Variants in SGCD observed in about 807,000 individuals in gnomAD.
SGCD encodes the protein sarcoglycan delta, also known as delta-sarcoglycan.
Under a neutral mutation model 36.6 loss-of-function variants are expected in SGCD, and 18 were observed. The observed-to-expected ratio is 0.49, with a 90% confidence interval of 0.34 to 0.73. The LOEUF is 0.73. Among genes scored for constraint, SGCD ranks in the 30% least tolerant of loss-of-function variants. The pLI is 0.01. For missense variants in SGCD, 387 were observed against 346.7 expected, an observed-to-expected ratio of 1.12 and a Z score of -0.92; for synonymous variants, 133 against 130.6, an observed-to-expected ratio of 1.02 and a Z score of -0.12.
rs115753043 is a variant in SGCD at position 156,757,497 on chromosome 5, G to T, written c.576-84G>T. On this transcript the variant is annotated intron_variant, in intron 7 of 8. Transcript: ENST00000337851. ...CTCTGATCAAATACTGGAATGCTTT[G>T]TTAATGTCCTTGAGCATGAACTTCC... 5.1e-3 allele frequency: 4,427 copies of T among 871,332 alleles called. 125 individuals carry two copies. The African/African-American group carries it at 0.066, about 13-fold the overall frequency. The allele number at this position is 871,332 out of a possible 1,614,324, so 54.0% of individuals were successfully genotyped here. A position where few individuals can be genotyped will look rare whatever the true frequency, so the allele number is the denominator to read the frequency against.
At chr5:156,588,966 G>A (rs1429270898) in intron 4 of SGCD, among the ~76,000 whole-genome samples, 1 of 151,076 alleles carries the variant, frequency 6.6e-6, no homozygotes, top group Non-Finnish European at 1.5e-5. Context: ...AATAATGTGT[G>A]TGTGTTCTGG....
At chr5:156,030,557 C>A (rs1184632292) in intron 1 of SGCD, among the ~76,000 whole-genome samples, 1 of 152,196 alleles carries the variant, frequency 6.6e-6, no homozygotes, top group Non-Finnish European at 1.5e-5. Flanking sequence ...AAATAAAGTT[C>A]TGTTATTTTA....
intron 3 of SGCD, among the ~76,000 whole-genome samples, chr5:156,498,536 G>A (rs965099371): frequency 2.0e-5 from 3 of 152,100 alleles, no homozygotes; most frequent in African/African-American, 7.2e-5. Flanking sequence ...GGTCTTTTAT[G>A]TCTGTCTGCT....
Position 156,312,055 on chromosome 5 carries a change from G to C in SGCD, c.-43-17479G>C, listed in dbSNP as rs146202375. Among the ~76,000 whole-genome samples, 211 of 152,238 alleles carry C rather than the reference G, an allele frequency of 1.4e-3. 1 individual carries two copies. The highest frequency in any genetic ancestry group is 6.8e-3 in the Middle Eastern group (2 of 294). On this transcript the variant is annotated intron_variant, in intron 3 of 9. Coordinates refer to the SGCD transcript ENST00000517913. Reference sequence around the variant, plus strand: ...ACAGATCTTCTGACCCCTATTCCAGGGCTGTTTCTGAGATACCCAGTATCA... The same window carrying C: ...ACAGATCTTCTGACCCCTATTCCAGCGCTGTTTCTGAGATACCCAGTATCA...
chr5:156,264,498 A>G (rs958823471), intron 3 of SGCD, among the ~76,000 whole-genome samples: 1 of 152,168 alleles, frequency 6.6e-6, no homozygotes. Flanking sequence ...AGTCATTGGC[A>G]TAAGATATTC....
At chr5:156,453,521 G>A (rs912909262) in intron 3 of SGCD, among the ~76,000 whole-genome samples, 2 of 152,132 alleles carry the variant, frequency 1.3e-5, no homozygotes, top group African/African-American at 4.8e-5. Flanking sequence ...CCAGTAGGTG[G>A]GTGGATAAAC....
chr5:156,730,276 T>C (rs374266992), intron 7 of SGCD, among the ~76,000 whole-genome samples: 48 of 152,172 alleles, frequency 3.2e-4, no homozygotes, highest in African/African-American at 1.1e-3. Flanking sequence ...GTTTGTTACA[T>C]AGGTAAACTT....
At chr5:156,465,059 C>G (rs1754660015) in intron 3 of SGCD, among the ~76,000 whole-genome samples, 1 of 152,092 alleles carries the variant, frequency 6.6e-6, no homozygotes, top group South Asian at 2.1e-4. Context: ...TTGGATGTTA[C>G]TGGACACTCA....
chr5:156,329,592 C>A lies in SGCD; in HGVS notation c.3+13C>A, dbSNP rs768506031. 6.2e-7 allele frequency: 1 copy of A among 1,611,762 alleles called. No individual in the cohort carries two copies. The highest frequency in any genetic ancestry group is 8.5e-7 in the Non-Finnish European group (1 of 1,178,480). On this transcript the variant is annotated intron_variant, in intron 2 of 8. Coordinates refer to ENST00000337851, the MANE Select transcript of SGCD (RefSeq NM_000337.6). ...CCAGGTGGAGATGGTGAGTAATTCC[C>A]GGGAGCGAAGCTTGTTCAAGGCCCT...
chr5:155,927,559 A>G (rs1757017240), intron 1 of SGCD, among the ~76,000 whole-genome samples: 1 of 152,200 alleles, frequency 6.6e-6, no homozygotes, highest in Non-Finnish European at 1.5e-5. Context: ...GGGCAGTTCT[A>G]TGATTAGGCA....
intron 7 of SGCD, among the ~76,000 whole-genome samples, chr5:156,716,179 A>G (rs934623232): frequency 3.3e-5 from 5 of 152,208 alleles, no homozygotes; most frequent in African/African-American, 7.2e-5. Context: ...GCTAGGATGC[A>G]CTAACTTTGA....
chr5:155,953,381 G>A (rs1445816677), intron 1 of SGCD, among the ~76,000 whole-genome samples: 10 of 152,212 alleles, frequency 6.6e-5, no homozygotes, highest in Middle Eastern at 3.4e-3. Flanking sequence ...GAACATGATT[G>A]TACTCATTCA....
At chr5:156,667,198 A>C (rs1008157166) in intron 7 of SGCD, among the ~76,000 whole-genome samples, 1 of 152,152 alleles carries the variant, frequency 6.6e-6, no homozygotes, top group African/African-American at 2.4e-5. Flanking sequence ...ATTTCAGATA[A>C]AGGATCCTCA....
chr5:156,027,907 A>G (rs1274948365), intron 1 of SGCD, among the ~76,000 whole-genome samples: 1 of 152,130 alleles, frequency 6.6e-6, no homozygotes, highest in African/African-American at 2.4e-5. Context: ...AACACTGTAT[A>G]CTCATATGGC....
intron 7 of SGCD, among the ~76,000 whole-genome samples, chr5:156,695,730 G>A (rs1046174310): frequency 6.6e-6 from 1 of 152,178 alleles, no homozygotes; most frequent in Admixed American, 6.5e-5. Flanking sequence ...GGCTTTGAAG[G>A]ACATATAATT....
intron 7 of SGCD, among the ~76,000 whole-genome samples, chr5:156,702,709 AT>A: frequency 6.6e-6 from 1 of 152,134 alleles, no homozygotes; most frequent in South Asian, 2.1e-4. Flanking sequence ...TTTAATTTAT[AT>A]TTTTTGTTAC....
intron 7 of SGCD, among the ~76,000 whole-genome samples, chr5:156,694,860 A>G (rs1345026827): frequency 1.3e-5 from 2 of 152,152 alleles, no homozygotes; most frequent in African/African-American, 4.8e-5. Flanking sequence ...TAGCCTTTTC[A>G]TGCTGGTGCT....
chr5:155,780,651 G>A, the SGCD span, among the ~76,000 whole-genome samples: 1 of 152,088 alleles, frequency 6.6e-6, no homozygotes, highest in African/African-American at 2.4e-5. Flanking sequence ...GATGGCAGGT[G>A]GAATGCAGTT....
intron 3 of SGCD, among the ~76,000 whole-genome samples, chr5:156,350,933 T>G (rs1342041576): frequency 6.6e-6 from 1 of 152,186 alleles, no homozygotes; most frequent in Non-Finnish European, 1.5e-5. Context: ...ACGCTGGTGT[T>G]TGACTTCCTG....
Sources: allele counts gnomAD v4.1 joint callset (sites outside exome capture counted in the v4.1 genomes callset), GRCh38; gene constraint gnomAD v4.1.1; transcripts MANE v1.5; gene names NCBI Gene and HGNC (gene_info 2026-07-23, HGNC 2026-07-21).